The following SLC25A33 variants were observed in gnomAD, a reference collection of about 807,000 sequenced individuals.
SLC25A33 encodes solute carrier family 25 member 33, also known as bone marrow stromal cell mitochondrial carrier protein.
A neutral mutation model predicts 35.5 loss-of-function variants in SLC25A33; 15 were observed. That is an observed-to-expected ratio of 0.42 (90% confidence interval 0.28 to 0.65). The LOEUF (loss-of-function observed/expected upper bound fraction) is 0.65. SLC25A33 is among the 30% of genes least tolerant of loss of function. The pLI, the probability that SLC25A33 is intolerant of heterozygous loss-of-function variation, is 0.20. For missense variants in SLC25A33, 257 were observed against 398.5 expected (o/e 0.64, Z 3.02); for synonymous variants, 136 against 148.7 (o/e 0.91, Z 0.62).
At chr1:9,576,790 C>A in intron 5 of SLC25A33, 1 of 1,192,080 alleles carries the variant, frequency 8.4e-7, no homozygotes, top group Non-Finnish European at 1.2e-6. Context: ...CCGCAGGGTT[C>A]AGATGAGACC....
At chr1:9,566,021 C>A (rs988026716) in intron 2 of SLC25A33, among the ~76,000 whole-genome samples, 10 of 151,968 alleles carry the variant, frequency 6.6e-5, no homozygotes, top group Non-Finnish European at 1.5e-4. Flanking sequence ...AAATTCTGCC[C>A]TCCCCCGCCA....
At chr1:9,560,878 A>T (rs1569858094) in intron 2 of SLC25A33, among the ~76,000 whole-genome samples, 2 of 144,986 alleles carry the variant, frequency 1.4e-5, no homozygotes, top group Admixed American at 6.7e-5. Flanking sequence ...ATTTGCTTTT[A>T]AAAAAAATAA....
In SLC25A33 at chr1:9,579,981, A is replaced by G; in HGVS notation, c.510A>G (p.Thr170=). The part of the protein sequence containing the change: ...QKVRGSKQMN[T]LQCARYVYQT... ...TGAGGGGCTCTAAGCAGATGAATAC[A>G]CTCCAGTGTGCTCGTTACGTTTACC... Residue 170 remains threonine, a synonymous_variant, in exon 6 of 7, where the codon ACA becomes ACG. Transcript: ENST00000302692. The G allele has an allele frequency of 6.2e-7, 1 of 1,613,220 alleles. No homozygotes were observed.
In SLC25A33 at chr1:9,578,108, C is replaced by T. The variant is rs906242512; in HGVS notation, c.483-1846C>T. Among the ~76,000 whole-genome samples the T allele has an allele frequency of 2.6e-5, 4 of 152,030 alleles. No homozygotes were observed. Among genetic ancestry groups the T allele is most frequent in the Non-Finnish European group, 4.4e-5 (3 of 68,020 alleles). ...AATTTTTTGTATTTTTTAGTAGAGA[C>T]GGGGTTTCACCGTGTTAGCCAGGAT... On this transcript the variant is annotated intron_variant, in intron 5 of 6. Coordinates refer to ENST00000302692, the MANE Select transcript of SLC25A33 (RefSeq NM_032315.3). This position sits in a 1 kb window ranked among gnomAD's most constrained non-coding sequence, Gnocchi z 4.3.
chr1:9,547,019 G>A (rs905711961), intron 1 of SLC25A33, among the ~76,000 whole-genome samples: 3 of 152,194 alleles, frequency 2.0e-5, no homozygotes, highest in Admixed American at 6.5e-5. Context: ...TGCTCCCAGG[G>A]AAATTATGCT....
intron 3 of SLC25A33, among the ~76,000 whole-genome samples, chr1:9,568,431 G>A (rs1405363257): frequency 6.6e-6 from 1 of 151,996 alleles, no homozygotes; most frequent in African/African-American, 2.4e-5. Context: ...GTGAAAGAGT[G>A]AAACTCCATC....
rs544358316 is a variant in SLC25A33 at position 9,577,808 on chromosome 1, A to G, written c.483-2146A>G. On this transcript the variant is annotated intron_variant, in intron 5 of 6. Coordinates refer to ENST00000302692, the MANE Select transcript of SLC25A33 (RefSeq NM_032315.3). ...ACTTAGGTGAGTGTTTTTGGTGCCTAGTGTGAATAGAGGCCGGGATGCTGC... is the reference window on the plus strand; with the variant it reads ...ACTTAGGTGAGTGTTTTTGGTGCCTGGTGTGAATAGAGGCCGGGATGCTGC... Among the ~76,000 whole-genome samples the G allele has an allele frequency of 7.2e-5, 11 of 152,272 alleles. No individual in the cohort carries two copies. The South Asian group carries it at 1.2e-3, about 17-fold the overall frequency.
chr1:9,572,902 A>C (rs952273277), intron 4 of SLC25A33, among the ~76,000 whole-genome samples: 1 of 135,630 alleles, frequency 7.4e-6, no homozygotes, highest in Non-Finnish European at 1.6e-5. Context: ...CCGTCTCTAC[A>C]AAAAAAAAAA....
chr1:9,549,724 G>C (rs1265142214), intron 1 of SLC25A33, among the ~76,000 whole-genome samples: 1 of 150,708 alleles, frequency 6.6e-6, no homozygotes, highest in Non-Finnish European at 1.5e-5. Context: ...AGATTCAAGG[G>C]ATTCTCCTGC....
chr1:9,553,203 G>GTTTTTTTTTTTTTTTTTTTTTTTTTT lies in SLC25A33; in HGVS notation c.57-399_57-398insTTTTTTTTTTTTTTTTTTTTTTTTTT, dbSNP rs550067186. Among the ~76,000 whole-genome samples, 35 of 56,490 alleles carry GTTTTTTTTTTTTTTTTTTTTTTTTTT rather than the reference G, an allele frequency of 6.2e-4. 1 individual carries two copies. The highest frequency in any genetic ancestry group is 8.4e-4 in the Non-Finnish European group (26 of 30,932). The allele number at this position is 56,490 out of a possible 152,430, so 37.1% of individuals were successfully genotyped here. A position where few individuals can be genotyped will look rare whatever the true frequency, so the allele number is the denominator to read the frequency against. ...TTAACCTTTATTGTGTTCTAGTTTT[G>GTTTTTTTTTTTTTTTTTTTTTTTTTT]TTTTTTTTTTTTTTTTTTTTTTTTG... is the stretch of plus-strand genomic sequence containing the variant. On this transcript the variant is annotated intron_variant, in intron 1 of 6. Transcript: ENST00000302692.
At chr1:9,549,520 ATGG>A (rs1643232036) in intron 1 of SLC25A33, among the ~76,000 whole-genome samples, 1 of 149,222 alleles carries the variant, frequency 6.7e-6, no homozygotes, top group South Asian at 2.2e-4. Context: ...GGATGAACTG[ATGG>A]TGGGATCAAT....
intron 5 of SLC25A33, chr1:9,576,939 G>T: frequency 2.3e-6 from 3 of 1,293,456 alleles, no homozygotes; most frequent in Non-Finnish European, 3.3e-6. Context: ...TTTGGGGATG[G>T]TATCTATGTC....
chr1:9,563,560 A>G (rs1376181522), intron 2 of SLC25A33, among the ~76,000 whole-genome samples: 1 of 152,204 alleles, frequency 6.6e-6, no homozygotes, highest in Admixed American at 6.5e-5. Flanking sequence ...AATTTGGGAA[A>G]CTTTCCCTGT....
chr1:9,577,871 A>T (rs2100412552), intron 5 of SLC25A33, among the ~76,000 whole-genome samples: 1 of 152,298 alleles, frequency 6.6e-6, no homozygotes, highest in South Asian at 2.1e-4. Flanking sequence ...GCTTCTCCCC[A>T]AACTGAATAG....
intron 2 of SLC25A33, among the ~76,000 whole-genome samples, chr1:9,560,987 T>A (rs1643415900): frequency 1.3e-5 from 2 of 151,432 alleles, no homozygotes; most frequent in South Asian, 4.2e-4. Context: ...TCTTGCTCTG[T>A]CGCCCAGGCT....
chr1:9,543,402 C>A (rs1420735876), intron 1 of SLC25A33, among the ~76,000 whole-genome samples: 1 of 152,164 alleles, frequency 6.6e-6, no homozygotes, highest in Non-Finnish European at 1.5e-5. Flanking sequence ...CCTCAGCCTC[C>A]CAAAGTGTTG....
chr1:9,545,961 T>TA (rs1014735296), intron 1 of SLC25A33, among the ~76,000 whole-genome samples: 2 of 151,332 alleles, frequency 1.3e-5, no homozygotes, highest in Admixed American at 1.3e-4. Flanking sequence ...AGACTCCGTC[T>TA]AAAAAAACAG....
intron 1 of SLC25A33, among the ~76,000 whole-genome samples, chr1:9,552,298 C>T (rs533520167): frequency 6.6e-6 from 1 of 152,270 alleles, no homozygotes; most frequent in African/African-American, 2.4e-5. Context: ...TCACTGCAAC[C>T]TCTGCCTCCT....
At chr1:9,540,957 C>G (rs985060319) in intron 1 of SLC25A33, among the ~76,000 whole-genome samples, 4 of 152,012 alleles carry the variant, frequency 2.6e-5, no homozygotes, top group Admixed American at 1.3e-4. Flanking sequence ...CCCTTGCAAC[C>G]CTTCCCTCCA....
Sources: gnomAD v4.1 joint callset for allele counts (sites outside exome capture counted in the v4.1 genomes callset) on GRCh38, gnomAD v4.1.1 for gene constraint, Gnocchi (gnomAD v3.1) non-coding constraint, MANE v1.5 for transcripts, NCBI Gene and HGNC (gene_info 2026-07-23, HGNC 2026-07-21) for gene names.